The following NKAIN3 variants were observed in gnomAD, a reference collection of about 807,000 sequenced individuals.
The protein encoded by NKAIN3 is sodium/potassium transporting ATPase interacting 3, also known as sodium/potassium-transporting ATPase subunit beta-1-interacting protein 3.
In NKAIN3, 25 loss-of-function variants were observed where a neutral mutation model predicts 30.2. That is an observed-to-expected ratio of 0.83 (90% CI 0.60 to 1.16). NKAIN3 has a LOEUF of 1.16. Ranked by LOEUF, NKAIN3 falls within the 50% of genes most tolerant of loss-of-function variation. The pLI is 0.00. For missense variants in NKAIN3, 225 were observed against 254.1 expected, an observed-to-expected ratio of 0.89 and a Z score of 0.78; for synonymous variants, 91 against 89.6, an observed-to-expected ratio of 1.02 and a Z score of -0.09.
At chr8:62,642,079 A>T (rs550407142) in intron 3 of NKAIN3, among the ~76,000 whole-genome samples, 38 of 151,970 alleles carry the variant, frequency 2.5e-4, no homozygotes, top group Middle Eastern at 3.4e-3. Context: ...AATGCTTTTT[A>T]AAAAAATAAA....
At chr8:62,616,246 T>C (rs1315478325) in intron 3 of NKAIN3, among the ~76,000 whole-genome samples, 1 of 152,084 alleles carries the variant, frequency 6.6e-6, no homozygotes, top group Non-Finnish European at 1.5e-5. Flanking sequence ...CCCCACAGGT[T>C]AAGGGCTCAG....
chr8:62,863,077 T>G (rs879641783), intron 4 of NKAIN3: 19 of 1,060,944 alleles, frequency 1.8e-5, no homozygotes, highest in Non-Finnish European at 2.7e-5. Flanking sequence ...GTATCATATA[T>G]CTCTCAAGTT....
At chr8:62,601,831 G>C (rs1234086962) in intron 3 of NKAIN3, among the ~76,000 whole-genome samples, 2 of 152,030 alleles carry the variant, frequency 1.3e-5, no homozygotes, top group African/African-American at 4.8e-5. Flanking sequence ...ATATAGGTGT[G>C]AGTTTCCTAT....
At chr8:62,413,285 G>A (rs1804321732) in intron 1 of NKAIN3, among the ~76,000 whole-genome samples, 1 of 152,146 alleles carries the variant, frequency 6.6e-6, no homozygotes, top group Non-Finnish European at 1.5e-5. Flanking sequence ...GTTCTGTTTT[G>A]TTGCTTTCTC....
At chr8:62,572,542 T>C (rs1809976669) in intron 1 of NKAIN3, among the ~76,000 whole-genome samples, 1 of 152,172 alleles carries the variant, frequency 6.6e-6, no homozygotes, top group Non-Finnish European at 1.5e-5. Context: ...ACTATATTAG[T>C]CTGTTTCCAC....
intron 3 of NKAIN3, among the ~76,000 whole-genome samples, chr8:62,663,222 G>A (rs1812997460): frequency 6.6e-6 from 1 of 152,166 alleles, no homozygotes; most frequent in Non-Finnish European, 1.5e-5. Context: ...TTGAGTTTAG[G>A]CTTTCTTTAA....
At chr8:62,737,839 CA>C (rs1339066147) in intron 3 of NKAIN3, among the ~76,000 whole-genome samples, 1 of 152,076 alleles carries the variant, frequency 6.6e-6, no homozygotes, top group East Asian at 1.9e-4. Flanking sequence ...TTTTTCCTTA[CA>C]AATTGATGTG....
At chr8:62,339,444 C>T (rs796735637) in intron 1 of NKAIN3, among the ~76,000 whole-genome samples, 2 of 152,122 alleles carry the variant, frequency 1.3e-5, no homozygotes, top group African/African-American at 4.8e-5. Context: ...GGGGTGTACA[C>T]TGGGCTTATT....
At chr8:62,439,620 A>G (rs2129598113) in intron 1 of NKAIN3, among the ~76,000 whole-genome samples, 2 of 152,316 alleles carry the variant, frequency 1.3e-5, no homozygotes, top group Middle Eastern at 6.8e-3. Context: ...TCAACACTCC[A>G]TCCAATCTAA....
intron 3 of NKAIN3, among the ~76,000 whole-genome samples, chr8:62,653,019 CATT>C (rs1812670276): frequency 1.3e-5 from 2 of 152,114 alleles, no homozygotes; most frequent in African/African-American, 4.8e-5. Context: ...TCTCTATTGT[CATT>C]ATGAATTTGT....
In NKAIN3 at chr8:62,445,308, C is replaced by T. The variant is rs974789676; in HGVS notation, c.55-134231C>T. ...TTTCCATATACCTGTTGGCCATCTACGTGTCTTTTTTTTTTTTGGTTGAGA... is the reference window on the plus strand; with the variant it reads ...TTTCCATATACCTGTTGGCCATCTATGTGTCTTTTTTTTTTTTGGTTGAGA... On this transcript the variant is annotated intron_variant, in intron 1 of 6. Transcript: ENST00000623646. 5.3e-5 allele frequency among the ~76,000 whole-genome samples: 8 copies of T among 150,406 alleles called. No homozygotes were observed. The South Asian group carries it at 6.3e-4, about 12-fold the overall frequency.
intron 1 of NKAIN3, among the ~76,000 whole-genome samples, chr8:62,370,621 A>G (rs911811273): frequency 6.6e-6 from 1 of 152,002 alleles, no homozygotes; most frequent in Non-Finnish European, 1.5e-5. Context: ...TCTTCTTTTC[A>G]CTAGTAACTG....
At chr8:62,658,337 C>T (rs995747353) in intron 3 of NKAIN3, among the ~76,000 whole-genome samples, 5 of 152,098 alleles carry the variant, frequency 3.3e-5, no homozygotes, top group Non-Finnish European at 5.9e-5. Flanking sequence ...AATTTAATTT[C>T]GCGGTGAGGA....
chr8:62,966,986 C>T lies in NKAIN3; in HGVS notation c.*1579C>T, dbSNP rs1686450685. Among the ~76,000 whole-genome samples the T allele has an allele frequency of 2.0e-5, 3 of 152,228 alleles. No individual in the cohort carries two copies. Among genetic ancestry groups the T allele is most frequent in the Non-Finnish European group, 2.9e-5 (2 of 68,038 alleles). On this transcript the variant is annotated 3_prime_UTR_variant, in exon 7 of 7. Transcript: ENST00000623646. ...TGCCTTCATTCCTCCAAGCTCATCA[C>T]AACCACAGTGAGCCATTTGGAGACC...
At chr8:62,456,453 A>G (rs1805822151) in intron 1 of NKAIN3, among the ~76,000 whole-genome samples, 2 of 151,840 alleles carry the variant, frequency 1.3e-5, no homozygotes. Context: ...TGTGAGGCAG[A>G]GCTTGTAGTG....
chr8:62,452,493 T>C (rs569430654), intron 1 of NKAIN3, among the ~76,000 whole-genome samples: 25 of 151,976 alleles, frequency 1.6e-4, no homozygotes, highest in African/African-American at 3.1e-4. Flanking sequence ...AATAAATAAA[T>C]AAATAAACAA....
chr8:62,638,165 T>C (rs145315752), intron 3 of NKAIN3, among the ~76,000 whole-genome samples: 1 of 152,174 alleles, frequency 6.6e-6, no homozygotes. Context: ...GATTGGCTCA[T>C]GCTAATAAGG....
intron 1 of NKAIN3, among the ~76,000 whole-genome samples, chr8:62,396,843 A>G (rs565557773): frequency 6.6e-6 from 1 of 152,352 alleles, no homozygotes; most frequent in East Asian, 1.9e-4. Flanking sequence ...GTACCAGGTT[A>G]TAACGACTTA....
At chr8:62,905,838 C>T (rs960360559) in intron 4 of NKAIN3, among the ~76,000 whole-genome samples, 3 of 152,176 alleles carry the variant, frequency 2.0e-5, no homozygotes, top group African/African-American at 7.2e-5. Flanking sequence ...TCCAGAACTT[C>T]ATCCATGGAC....
Sources: gnomAD v4.1 joint callset for allele counts (sites outside exome capture counted in the v4.1 genomes callset) on GRCh38, gnomAD v4.1.1 for gene constraint, MANE v1.5 for transcripts, NCBI Gene and HGNC (gene_info 2026-07-23, HGNC 2026-07-21) for gene names.